The following GC variants were observed in gnomAD, a reference collection of about 807,000 sequenced individuals.
GC encodes the protein GC vitamin D binding protein, also known as vitamin D-binding protein.
GC carries 43 observed loss-of-function variants against 56.7 expected under a neutral mutation model. The observed-to-expected ratio is 0.76, with a 90% CI of 0.59 to 0.98. The LOEUF is 0.98. GC is among the 50% of genes least tolerant of loss of function. The pLI, the probability that GC is intolerant of heterozygous loss-of-function variation, is 0.00. For synonymous variants in GC, 216 were observed against 202.7 expected (o/e 1.07, Z -0.56); for missense variants, 529 against 545.9 (o/e 0.97, Z 0.31).
In GC at chr4:71,746,227, TA is replaced by T. The variant is rs761301070; in HGVS notation, c.1396-23del. On this transcript the variant is annotated intron_variant, in intron 11 of 12. Transcript: ENST00000273951. Reference sequence around the variant, plus strand: ...CAATCTGATAATGAAAAAAGAATGTTATATAACTTATGAAGTATTTCATTTG... The same window carrying T: ...CAATCTGATAATGAAAAAAGAATGTTTATAACTTATGAAGTATTTCATTTG... 23 of 1,104,096 alleles carry T rather than the reference TA, an allele frequency of 2.1e-5. No homozygotes were observed. In the East Asian group the frequency reaches 5.5e-4, roughly 26 times the overall value. The allele number at this position is 1,104,096 out of a possible 1,614,324, so 68.4% of individuals were successfully genotyped here. A position where few individuals can be genotyped will look rare whatever the true frequency, so the allele number is the denominator to read the frequency against.
intron 4 of GC, among the ~76,000 whole-genome samples, chr4:71,764,772 G>A (rs146966303): frequency 2.6e-5 from 4 of 152,182 alleles, no homozygotes; most frequent in Non-Finnish European, 5.9e-5. Flanking sequence ...TACAATTTGT[G>A]ACCACTTTGA....
chr4:71,784,382 T>TC, upstream of GC: 1 of 960,620 alleles, frequency 1.0e-6, no homozygotes, highest in Non-Finnish European at 1.2e-6. Flanking sequence ...GCACACCTTC[T>TC]CCCCCTGTAT....
At chr4:71,796,199 A>G (rs1235214681) in intron 1 of GC, among the ~76,000 whole-genome samples, 1 of 152,128 alleles carries the variant, frequency 6.6e-6, no homozygotes, top group African/African-American at 2.4e-5. Context: ...CCGAATTTGA[A>G]TGTTGGCCTG....
chr4:71,780,735 A>G (rs1207906040), intron 1 of GC, among the ~76,000 whole-genome samples: 1 of 152,168 alleles, frequency 6.6e-6, no homozygotes, highest in African/African-American at 2.4e-5. Context: ...TCAGGAAACA[A>G]CAGGTGCTGG....
chr4:71,772,719 T>C (rs1742378346), intron 1 of GC, among the ~76,000 whole-genome samples: 1 of 152,120 alleles, frequency 6.6e-6, no homozygotes, highest in African/African-American at 2.4e-5. Flanking sequence ...CATTCAGCCT[T>C]GGGCATAACA....
intron 12 of GC, among the ~76,000 whole-genome samples, chr4:71,744,295 A>T (rs973164217): frequency 1.3e-5 from 2 of 150,588 alleles, no homozygotes; most frequent in African/African-American, 4.9e-5. Flanking sequence ...ACAAAAAAAA[A>T]AAAAAAAACC....
rs1560692614 is a variant in GC at position 71,754,534 on chromosome 4, CA to C, written c.1165-27del. Reference sequence around the variant, plus strand: ...CTGTAAGAAAACAATAATTGCATAACAAAATTATTTGTCTTGAAACCTTGTC... The same window carrying C: ...CTGTAAGAAAACAATAATTGCATAACAAATTATTTGTCTTGAAACCTTGTC... On this transcript the variant is annotated intron_variant, in intron 9 of 12. Coordinates refer to ENST00000273951, the MANE Select transcript of GC (RefSeq NM_000583.4). 4 of 1,169,090 alleles carry C rather than the reference CA, an allele frequency of 3.4e-6. No individual in the cohort carries two copies. In the South Asian group the frequency reaches 5.1e-5, roughly 15 times the overall value. 72.4% of individuals were successfully genotyped at this position (1,169,090 alleles called of 1,614,324 possible).
At chr4:71,799,558 A>T (rs1317565566) in intron 1 of GC, among the ~76,000 whole-genome samples, 2 of 152,156 alleles carry the variant, frequency 1.3e-5, no homozygotes, top group East Asian at 3.9e-4. Context: ...AGGAGAGGTA[A>T]GCCAGGGGGA....
intron 1 of GC, among the ~76,000 whole-genome samples, chr4:71,777,902 G>A (rs1742558084): frequency 6.6e-6 from 1 of 151,554 alleles, no homozygotes; most frequent in Non-Finnish European, 1.5e-5. Context: ...GAGGGCTAGG[G>A]GAGGAATAGC....
At chr4:71,780,330 A>G (rs1306198995) in intron 1 of GC, among the ~76,000 whole-genome samples, 1 of 152,158 alleles carries the variant, frequency 6.6e-6, no homozygotes, top group African/African-American at 2.4e-5. Context: ...GTGGACAAGG[A>G]CTTCATGTCT....
At chr4:71,791,253 T>C (rs1560713273) in intron 1 of GC, among the ~76,000 whole-genome samples, 1 of 152,124 alleles carries the variant, frequency 6.6e-6, no homozygotes, top group African/African-American at 2.4e-5. Flanking sequence ...AACTTTTCTT[T>C]CAAAGCTATT....
chr4:71,798,255 T>C (rs1743161351), intron 1 of GC, among the ~76,000 whole-genome samples: 1 of 152,240 alleles, frequency 6.6e-6, no homozygotes, highest in African/African-American at 2.4e-5. Flanking sequence ...TTTTAAAGTT[T>C]TCATTTTATT....
chr4:71,745,181 C>A (rs2149291994), intron 12 of GC, among the ~76,000 whole-genome samples: 1 of 152,254 alleles, frequency 6.6e-6, no homozygotes, highest in South Asian at 2.1e-4. Flanking sequence ...TGAAAGGAAA[C>A]TCATCTTTAG....
intron 11 of GC, among the ~76,000 whole-genome samples, chr4:71,746,807 T>G (rs1057461921): frequency 6.8e-6 from 1 of 147,200 alleles, no homozygotes; most frequent in African/African-American, 2.6e-5. Context: ...TACTTTAATT[T>G]GGAGGCAATG....
In GC at chr4:71,783,965, C is replaced by T. The variant is rs1210207123; in HGVS notation, c.54G>A (p.Glu18=). ...LLAVAFGHAL[E]RGRDYEKNKV... Reference sequence around the variant, plus strand: ...TCACAACAAAAGAAATCTTACCTCTCTCTAAAGCATGTCCAAATGCCACAG... The same window carrying T: ...TCACAACAAAAGAAATCTTACCTCTTTCTAAAGCATGTCCAAATGCCACAG... Residue 18 remains glutamate (E), a synonymous_variant, in exon 1 of 13, where the codon GAG becomes GAA. Coordinates refer to ENST00000273951, the MANE Select transcript of GC (RefSeq NM_000583.4). 4 of 1,600,106 alleles carry T rather than the reference C, an allele frequency of 2.5e-6. No individual in the cohort carries two copies. The South Asian group carries it at 3.4e-5, about 14-fold the overall frequency.
In GC at chr4:71,756,767, C is replaced by G; in HGVS notation, c.979G>C (p.Glu327Gln). 6.2e-7 allele frequency: 1 copy of G among 1,613,976 alleles called. No homozygotes were observed. Among genetic ancestry groups the G allele is most frequent in the Non-Finnish European group, 8.5e-7 (1 of 1,179,904 alleles). The change falls in exon 8 of 13, where the codon GAG becomes CAG. Residue 327 changes from glutamate (E) to glutamine (Q), a missense_variant. Coordinates refer to ENST00000273951, the MANE Select transcript of GC (RefSeq NM_000583.4). Reference protein sequence around the residue: ...AAQLPELPDVELPTNKDVCDP... With the variant: ...AAQLPELPDVQLPTNKDVCDP... ...CACACATCTTTGTTTGTGGGCAACT[C>G]TACATCTGGAAGCTCGGGGAGTTGG...
chr4:71,791,876 T>C (rs866815125), intron 1 of GC, among the ~76,000 whole-genome samples: 1 of 152,174 alleles, frequency 6.6e-6, no homozygotes, highest in South Asian at 2.1e-4. Flanking sequence ...CCAAGTGTTC[T>C]CATTGTTCAA....
At chr4:71,777,029 GT>G (rs1040301710) in intron 1 of GC, among the ~76,000 whole-genome samples, 1 of 151,720 alleles carries the variant, frequency 6.6e-6, no homozygotes, top group African/African-American at 2.4e-5. Context: ...GCATTATCTT[GT>G]ATAGGAAAAT....
chr4:71,785,876 A>C (rs1018467027), upstream of GC: 4 of 151,810 alleles, frequency 2.6e-5, no homozygotes, highest in African/African-American at 9.7e-5. Context: ...TAGCATATTG[A>C]TACAGTTTTC....
Sources: gnomAD v4.1 joint callset for allele counts (sites outside exome capture counted in the v4.1 genomes callset) on GRCh38, gnomAD v4.1.1 for gene constraint, MANE v1.5 for transcripts, NCBI Gene and HGNC (gene_info 2026-07-23, HGNC 2026-07-21) for gene names.